Variants in EXOC4 observed in about 807,000 individuals in gnomAD.
EXOC4 encodes the protein SEC8-like 1.
In EXOC4, 71 loss-of-function variants were observed where a neutral mutation model predicts 107.2. The observed-to-expected ratio is 0.66, with a 90% confidence interval of 0.55 to 0.81. EXOC4 has a LOEUF of 0.81. Ranked by LOEUF, EXOC4 falls within the 30% of genes least tolerant of loss-of-function variation. The pLI is 0.00. For synonymous variants in EXOC4, 456 were observed against 441.2 expected (o/e 1.03, Z -0.42); for missense variants, 1,108 against 1,189.6 (o/e 0.93, Z 1.01).
intron 9 of EXOC4, among the ~76,000 whole-genome samples, chr7:133,599,733 T>C (rs1170731074): frequency 2.0e-5 from 3 of 152,168 alleles, no homozygotes; most frequent in Admixed American, 2.0e-4. Context: ...GCATACCTTT[T>C]ATTTACTATT....
intron 7 of EXOC4, among the ~76,000 whole-genome samples, chr7:133,401,123 C>G (rs1364146316): frequency 6.6e-6 from 1 of 151,636 alleles, no homozygotes; most frequent in Non-Finnish European, 1.5e-5. Flanking sequence ...ATCTTAGTTA[C>G]CATTACCATT....
chr7:133,621,506 G>A (rs1044394133), intron 9 of EXOC4, among the ~76,000 whole-genome samples: 1 of 152,144 alleles, frequency 6.6e-6, no homozygotes, highest in African/African-American at 2.4e-5. Flanking sequence ...TGACATGGAC[G>A]TTTCCAACAC....
chr7:133,479,969 T>G (rs1206761992), intron 8 of EXOC4, 81 bp from the exon 9 acceptor site: 1 of 1,145,296 alleles, frequency 8.7e-7, no homozygotes, highest in African/African-American at 1.5e-5. Context: ...CAGACCAGAG[T>G]AGAATAATGT....
In EXOC4 at chr7:134,065,396, G is replaced by C. The variant is rs181904802; in HGVS notation, c.*868G>C. ...TAGGTGCTCACTTGGTCTGAGCTCAGCTGAATGCAGGGAAGATGGGACAGA... is the reference window on the plus strand; with the variant it reads ...TAGGTGCTCACTTGGTCTGAGCTCACCTGAATGCAGGGAAGATGGGACAGA... On this transcript the variant is annotated 3_prime_UTR_variant, in exon 18 of 18. Transcript: ENST00000253861. The C allele has an allele frequency of 2.6e-5, 4 of 152,264 alleles. No individual in the cohort carries two copies. Among genetic ancestry groups the C allele is most frequent in the Admixed American group, 2.6e-4 (4 of 15,298 alleles). 9.4% of individuals were successfully genotyped at this position (152,264 alleles called of 1,614,324 possible).
Position 134,018,311 on chromosome 7 carries a change from G to T in EXOC4, c.2687+10476G>T, listed in dbSNP as rs189247719. Among the ~76,000 whole-genome samples, 5 of 152,232 alleles carry T rather than the reference G, an allele frequency of 3.3e-5. No individual in the cohort carries two copies. In the East Asian group the frequency reaches 9.6e-4, roughly 29 times the overall value. On this transcript the variant is annotated intron_variant, in intron 17 of 17. Transcript: ENST00000253861. ...AGTGTTTAAATTTTGATGCTTGAAA[G>T]TAGGAAACTGGCACAATCGCTGTCG...
At chr7:133,751,571 G>A (rs974430265) in intron 10 of EXOC4, among the ~76,000 whole-genome samples, 3 of 152,100 alleles carry the variant, frequency 2.0e-5, no homozygotes, top group Admixed American at 2.0e-4. Flanking sequence ...GCATAAGTTA[G>A]GTAGATGATG....
intron 17 of EXOC4, among the ~76,000 whole-genome samples, chr7:134,060,533 A>AAAT (rs1796032498): frequency 6.6e-6 from 1 of 152,224 alleles, no homozygotes; most frequent in Non-Finnish European, 1.5e-5. Context: ...TTAATGCTCG[A>AAAT]TGATGAAGAC....
intron 10 of EXOC4, chr7:133,732,871 G>T (rs1223395734): frequency 6.1e-6 from 1 of 163,210 alleles, no homozygotes; most frequent in South Asian, 1.5e-4. Flanking sequence ...AACCAACACA[G>T]AACAGATGAA....
intron 7 of EXOC4, among the ~76,000 whole-genome samples, chr7:133,450,998 A>T (rs1489423989): frequency 1.3e-5 from 2 of 152,180 alleles, no homozygotes; most frequent in African/African-American, 2.4e-5. Flanking sequence ...TGTGGTCGTG[A>T]ACGGTTGCTC....
Position 133,973,574 on chromosome 7 carries a change from G to T in EXOC4, c.2207-23918G>T, listed in dbSNP as rs1226464439. On this transcript the variant is annotated intron_variant, in intron 14 of 17. Coordinates refer to ENST00000253861, the MANE Select transcript of EXOC4 (RefSeq NM_021807.4). ...GAAGCTAGAGAGGTAGGCAAGGTCA[G>T]TTGAGATTTTATGTGGAGGACAATG... is the stretch of plus-strand genomic sequence containing the variant. Among the ~76,000 whole-genome samples the T allele has an allele frequency of 3.3e-5, 5 of 152,290 alleles. No homozygotes were observed. The East Asian group carries it at 9.7e-4, about 29-fold the overall frequency.
intron 4 of EXOC4, among the ~76,000 whole-genome samples, chr7:133,307,871 A>G (rs2150570467): frequency 1.3e-5 from 2 of 152,362 alleles, no homozygotes; most frequent in Middle Eastern, 6.8e-3. Flanking sequence ...GCCTGCATCA[A>G]CCAACCACCA....
intron 7 of EXOC4, among the ~76,000 whole-genome samples, chr7:133,437,075 T>A (rs1563065655): frequency 1.3e-5 from 2 of 152,206 alleles, no homozygotes; most frequent in South Asian, 2.1e-4. Flanking sequence ...AGGCTCATTT[T>A]AAAATTTTTT....
At chr7:133,667,110 G>T (rs1476351409) in intron 10 of EXOC4, among the ~76,000 whole-genome samples, 1 of 152,098 alleles carries the variant, frequency 6.6e-6, no homozygotes, top group African/African-American at 2.4e-5. Context: ...AATCTTTATT[G>T]ATGTAAAGCA....
At chr7:133,812,360 A>G (rs1797253569) in intron 10 of EXOC4, among the ~76,000 whole-genome samples, 1 of 152,216 alleles carries the variant, frequency 6.6e-6, no homozygotes, top group African/African-American at 2.4e-5. Context: ...GCCATTTTAC[A>G]GAAGACACAA....
intron 9 of EXOC4, among the ~76,000 whole-genome samples, chr7:133,513,231 G>C (rs1434699451): frequency 2.6e-5 from 4 of 151,792 alleles, no homozygotes; most frequent in Non-Finnish European, 5.9e-5. Context: ...TATGAGACTG[G>C]CTAATTTTTG....
At chr7:133,960,829 C>A (rs1377004303) in intron 14 of EXOC4, among the ~76,000 whole-genome samples, 2 of 152,158 alleles carry the variant, frequency 1.3e-5, no homozygotes, top group African/African-American at 4.8e-5. Flanking sequence ...AGCCAGTAGT[C>A]AGCTGCAATG....
At chr7:133,344,314 T>C (rs1443508136) in intron 5 of EXOC4, among the ~76,000 whole-genome samples, 1 of 152,186 alleles carries the variant, frequency 6.6e-6, no homozygotes, top group Non-Finnish European at 1.5e-5. Context: ...ATGGTTGTTT[T>C]GTTGAAGGGA....
intron 11 of EXOC4, among the ~76,000 whole-genome samples, chr7:133,870,712 A>G (rs1238345661): frequency 1.3e-5 from 2 of 152,152 alleles, no homozygotes; most frequent in Admixed American, 1.3e-4. Context: ...TTTGTTTACC[A>G]CTCATGGCCT....
At chr7:133,438,599 T>G (rs1414110776) in intron 7 of EXOC4, among the ~76,000 whole-genome samples, 1 of 152,162 alleles carries the variant, frequency 6.6e-6, no homozygotes, top group Non-Finnish European at 1.5e-5. Context: ...TCTAATTCAT[T>G]TGGTTTGTGA....
Sources: allele counts gnomAD v4.1 joint callset (sites outside exome capture counted in the v4.1 genomes callset), GRCh38; gene constraint gnomAD v4.1.1; transcripts MANE v1.5; gene names NCBI Gene and HGNC (gene_info 2026-07-23, HGNC 2026-07-21).